The following ITGB8 variants were observed in gnomAD, a reference collection of about 807,000 sequenced individuals.
The protein encoded by ITGB8 is integrin subunit beta 8.
ITGB8 carries 30 observed loss-of-function variants against 89.5 expected under a neutral mutation model. The observed-to-expected ratio is 0.34, with a 90% CI of 0.25 to 0.45. The LOEUF (loss-of-function observed/expected upper bound fraction) is 0.45. ITGB8 is among the 20% of genes least tolerant of loss of function. ITGB8 has a pLI of 1.00. For synonymous variants in ITGB8, 335 were observed against 320.4 expected, an observed-to-expected ratio of 1.05 and a Z score of -0.49; for missense variants, 836 against 933.3, an observed-to-expected ratio of 0.90 and a Z score of 1.36.
In ITGB8 at chr7:20,414,422, A is replaced by T. The variant is rs1230142227; in HGVS notation, c.*4425A>T. ...GAATGGGTAGGTATGTCTACGTTTC[A>T]TTAACAAATTTTTATTATTTTTATT... On this transcript the variant is annotated 3_prime_UTR_variant, in exon 14 of 14. Transcript: ENST00000222573. The T allele has an allele frequency of 6.6e-6, 1 of 152,522 alleles. No homozygotes were observed. Among genetic ancestry groups the T allele is most frequent in the African/African-American group, 2.4e-5 (1 of 41,456 alleles). The allele number at this position is 152,522 out of a possible 1,614,324, so 9.4% of individuals were successfully genotyped here.
intron 4 of ITGB8, 56 bp downstream of exon 4, chr7:20,379,353 C>T: frequency 8.0e-7 from 1 of 1,256,334 alleles, no homozygotes; most frequent in Non-Finnish European, 1.1e-6. Context: ...TAAAATCTCA[C>T]TTTGTTTTTA....
Position 20,415,343 on chromosome 7 carries a change from C to T in ITGB8, c.*5346C>T, listed in dbSNP as rs927757561. ...TAAAAACTTATTTTGTTTCACCTAA[C>T]GAATACTGCGTTTGTAAAAATAAAT... On this transcript the variant is annotated 3_prime_UTR_variant, in exon 14 of 14. Transcript: ENST00000222573. 20 of 151,628 alleles carry T rather than the reference C, an allele frequency of 1.3e-4. No individual in the cohort carries two copies. Among genetic ancestry groups the T allele is most frequent in the Middle Eastern group, 3.4e-3 (1 of 292 alleles). The allele number at this position is 151,628 out of a possible 1,614,324, so 9.4% of individuals were successfully genotyped here.
chr7:20,338,624 T>A (rs192411000), intron 1 of ITGB8, among the ~76,000 whole-genome samples: 10 of 152,180 alleles, frequency 6.6e-5, no homozygotes, highest in Admixed American at 3.9e-4. Context: ...CAAGATTGCA[T>A]CTCAAAAATA....
intron 1 of ITGB8, among the ~76,000 whole-genome samples, chr7:20,356,192 G>A (rs1238259842): frequency 6.6e-6 from 1 of 152,068 alleles, no homozygotes; most frequent in Non-Finnish European, 1.5e-5. Context: ...GTAGGCCTAA[G>A]CACCTACTCC....
intron 1 of ITGB8, chr7:20,332,141 A>C: frequency 1.8e-6 from 2 of 1,098,996 alleles, no homozygotes; most frequent in Non-Finnish European, 2.5e-6. Flanking sequence ...GCAAGGACTA[A>C]TTATCAGAGG....
intron 9 of ITGB8, among the ~76,000 whole-genome samples, chr7:20,400,115 C>G (rs1583537928): frequency 6.6e-6 from 1 of 152,150 alleles, no homozygotes; most frequent in African/African-American, 2.4e-5. Context: ...AAATATAGCA[C>G]TAAGTTACTT....
chr7:20,357,875 A>C (rs1171098974), intron 1 of ITGB8, among the ~76,000 whole-genome samples: 1 of 152,232 alleles, frequency 6.6e-6, no homozygotes, highest in Non-Finnish European at 1.5e-5. Flanking sequence ...ATTACTTAGA[A>C]TATACACACT....
rs1786613873 is a variant in ITGB8 at position 20,386,261 on chromosome 7, C to CCCT, written c.960+4376_960+4377insCCT. 4.1e-5 allele frequency among the ~76,000 whole-genome samples: 5 copies of CCCT among 120,696 alleles called. No individual in the cohort carries two copies. In the South Asian group the frequency reaches 1.2e-3, roughly 29 times the overall value. 79.2% of individuals were successfully genotyped at this position (120,696 alleles called of 152,430 possible). A position where few individuals can be genotyped will look rare whatever the true frequency, so the allele number is the denominator to read the frequency against. On this transcript the variant is annotated intron_variant, in intron 6 of 13. Coordinates refer to ENST00000222573, the MANE Select transcript of ITGB8 (RefSeq NM_002214.3). ...TGAGAACATTTTTTTTTTTTTGAGACGGAATCTCACTGTGTCGCCCAGGCT... is the reference window on the plus strand; with the variant it reads ...TGAGAACATTTTTTTTTTTTTGAGACCCTGGAATCTCACTGTGTCGCCCAGGCT...
chr7:20,405,982 CTTT>C, intron 11 of ITGB8, 77 bp from the exon 12 acceptor site: 1 of 828,198 alleles, frequency 1.2e-6, no homozygotes, highest in Non-Finnish European at 2.0e-6. Context: ...GTTATTTTGT[CTTT>C]TTTTTTCTTG....
At chr7:20,394,641 G>A (rs747526004) in intron 7 of ITGB8, among the ~76,000 whole-genome samples, 13 of 152,156 alleles carry the variant, frequency 8.5e-5, no homozygotes, top group Admixed American at 5.2e-4. Context: ...ATTTCGATTG[G>A]ATTTTTAGGT....
rs1406648433 is a variant in ITGB8 at position 20,409,869 on chromosome 7, A to G, written c.2188-6A>G. The G allele has an allele frequency of 2.5e-6, 4 of 1,612,916 alleles. No homozygotes were observed. The African/African-American group carries it at 5.3e-5, about 22-fold the overall frequency. ...TAGTTAATAATAATATTTCTTCTCT[A>G]TTAAGGATAAGTTGATTCTGCAAAG... On this transcript the variant is annotated splice_polypyrimidine_tract_variant and splice_region_variant and intron_variant, in intron 13 of 13. Transcript: ENST00000222573.
chr7:20,385,266 T>G (rs3807947), intron 6 of ITGB8, among the ~76,000 whole-genome samples: 54,398 of 152,106 alleles, frequency 0.36, 10,142 homozygotes, highest in Non-Finnish European at 0.4. Context: ...TTTTCAGATG[T>G]TGATGTGACT....
chr7:20,372,175 A>G lies in ITGB8; in HGVS notation c.388+4989A>G, dbSNP rs532343013. Among the ~76,000 whole-genome samples the G allele has an allele frequency of 8.5e-5, 13 of 152,324 alleles. No homozygotes were observed. In the South Asian group the frequency reaches 2.7e-3, roughly 32 times the overall value. Reference sequence around the variant, plus strand: ...ATGTCTTGCTCTTTTTTAAATATATAAGTTTGAAAATTATAAGTTGCATTT... The same window carrying G: ...ATGTCTTGCTCTTTTTTAAATATATGAGTTTGAAAATTATAAGTTGCATTT... On this transcript the variant is annotated intron_variant, in intron 3 of 13. Coordinates refer to ENST00000222573, the MANE Select transcript of ITGB8 (RefSeq NM_002214.3).
chr7:20,330,559 T>C (rs1784339838), upstream of ITGB8: 1 of 152,152 alleles, frequency 6.6e-6, no homozygotes, highest in South Asian at 2.1e-4. Flanking sequence ...GGAGTTCTTG[T>C]GAACGATGGG....
intron 1 of ITGB8, among the ~76,000 whole-genome samples, chr7:20,352,007 A>C (rs1266929796): frequency 6.6e-6 from 1 of 152,220 alleles, no homozygotes; most frequent in Admixed American, 6.5e-5. Flanking sequence ...AGACTGGGAA[A>C]CCAGTGAATA....
chr7:20,349,323 C>G (rs923599142), intron 1 of ITGB8, among the ~76,000 whole-genome samples: 15 of 151,474 alleles, frequency 9.9e-5, no homozygotes, highest in African/African-American at 3.6e-4. Flanking sequence ...TACTATTGAT[C>G]ATAATATTAG....
chr7:20,403,398 C>T (rs3807955), intron 10 of ITGB8, among the ~76,000 whole-genome samples: 14,065 of 152,140 alleles, frequency 0.092, 858 homozygotes, highest in East Asian at 0.38. Flanking sequence ...AGTGAAATAT[C>T]GAATGTACTA....
chr7:20,378,033 T>TA (rs1284258916), intron 3 of ITGB8, among the ~76,000 whole-genome samples: 2 of 152,196 alleles, frequency 1.3e-5, no homozygotes, highest in Non-Finnish European at 2.9e-5. Context: ...AATAATGACT[T>TA]ACAAAGCATT....
chr7:20,392,801 T>C (rs1334241855), intron 7 of ITGB8, among the ~76,000 whole-genome samples: 2 of 152,236 alleles, frequency 1.3e-5, no homozygotes, highest in Non-Finnish European at 2.9e-5. Context: ...TAGTGAAACT[T>C]TATTTAATTC....
Sources: gnomAD v4.1 joint callset for allele counts (sites outside exome capture counted in the v4.1 genomes callset) on GRCh38, gnomAD v4.1.1 for gene constraint, MANE v1.5 for transcripts, NCBI Gene and HGNC (gene_info 2026-07-23, HGNC 2026-07-21) for gene names.